Variants in BTBD9 observed in about 807,000 individuals in gnomAD.
BTBD9 encodes BTB domain containing 9, also known as BTB/POZ domain-containing protein 9.
BTBD9 carries 49 observed loss-of-function variants against 64.3 expected under a neutral mutation model. The ratio of observed to expected loss-of-function variants is 0.76; its 90% CI spans 0.61 to 0.97. The LOEUF (loss-of-function observed/expected upper bound fraction) is 0.97, where lower values mean the gene tolerates loss of function less well. Ranked by LOEUF, BTBD9 falls within the 50% of genes least tolerant of loss-of-function variation. The pLI, the probability that BTBD9 is intolerant of heterozygous loss-of-function variation, is 0.00. For missense variants in BTBD9, 598 were observed against 762.1 expected (o/e 0.78, Z 2.53); for synonymous variants, 260 against 274.7 (o/e 0.95, Z 0.53).
intron 8 of BTBD9, among the ~76,000 whole-genome samples, chr6:38,271,339 T>C (rs1765189287): frequency 6.6e-6 from 1 of 152,228 alleles, no homozygotes; most frequent in South Asian, 2.1e-4. Flanking sequence ...CATGGTATTA[T>C]ATATTGTCCC....
chr6:38,438,214 G>A (rs796147417), intron 6 of BTBD9, among the ~76,000 whole-genome samples: 1,942 of 52,660 alleles, frequency 0.037, 76 homozygotes, highest in African/African-American at 0.15. Context: ...GAAGGAGGGA[G>A]GGAGGGAGGG....
chr6:38,345,503 C>T (rs894084602), intron 6 of BTBD9, among the ~76,000 whole-genome samples: 1 of 152,186 alleles, frequency 6.6e-6, no homozygotes, highest in East Asian at 1.9e-4. Context: ...CTTTCCAGCT[C>T]AATGGAAGAT....
intron 6 of BTBD9, among the ~76,000 whole-genome samples, chr6:38,462,358 A>C (rs1280878466): frequency 6.6e-6 from 1 of 152,234 alleles, no homozygotes; most frequent in Non-Finnish European, 1.5e-5. Flanking sequence ...CAAGGAATGA[A>C]TTTTAAGTTC....
chr6:38,352,032 G>A (rs751572051), intron 6 of BTBD9, among the ~76,000 whole-genome samples: 7 of 151,928 alleles, frequency 4.6e-5, no homozygotes, highest in Non-Finnish European at 1.0e-4. Context: ...TATACCATAC[G>A]ATAGCCTTTA....
At chr6:38,178,127 G>A (rs1761366427) in intron 10 of BTBD9, among the ~76,000 whole-genome samples, 1 of 152,244 alleles carries the variant, frequency 6.6e-6, no homozygotes, top group Non-Finnish European at 1.5e-5. Flanking sequence ...TCTCCACCAA[G>A]CCACGCAGGT....
At chr6:38,631,112 A>C (rs1323176955) in intron 1 of BTBD9, among the ~76,000 whole-genome samples, 1 of 152,262 alleles carries the variant, frequency 6.6e-6, no homozygotes, top group Non-Finnish European at 1.5e-5. Context: ...TAAAAATGAA[A>C]ACATTCTGGC....
At chr6:38,638,019 T>C (rs1482050964) in intron 1 of BTBD9, among the ~76,000 whole-genome samples, 1 of 152,196 alleles carries the variant, frequency 6.6e-6, no homozygotes, top group Non-Finnish European at 1.5e-5. Context: ...CCGCTCCAGT[T>C]ACCAGACATA....
chr6:38,292,045 T>TCC (rs768312986), intron 7 of BTBD9, among the ~76,000 whole-genome samples: 97 of 151,826 alleles, frequency 6.4e-4, no homozygotes, highest in Non-Finnish European at 1.1e-3. Flanking sequence ...CACTGCAGCC[T>TCC]CCGCCTGCCC....
At chr6:38,600,103 CAGT>C (rs1190893854) in intron 1 of BTBD9, among the ~76,000 whole-genome samples, 1 of 152,198 alleles carries the variant, frequency 6.6e-6, no homozygotes, top group African/African-American at 2.4e-5. Flanking sequence ...ATGTGTGACA[CAGT>C]AGTCTTAATG....
intron 6 of BTBD9, among the ~76,000 whole-genome samples, chr6:38,404,443 T>C (rs1044127239): frequency 1.4e-4 from 22 of 152,146 alleles, no homozygotes; most frequent in Non-Finnish European, 3.2e-4. Flanking sequence ...TTGCATCTTA[T>C]CTGGCACAGT....
At chr6:38,486,874 T>C (rs1210775929) in intron 6 of BTBD9, among the ~76,000 whole-genome samples, 1 of 152,134 alleles carries the variant, frequency 6.6e-6, no homozygotes, top group Non-Finnish European at 1.5e-5. Context: ...ATCTGCAAAG[T>C]GTAACAAAAA....
intron 6 of BTBD9, among the ~76,000 whole-genome samples, chr6:38,399,915 C>T (rs997294932): frequency 6.7e-6 from 1 of 149,428 alleles, no homozygotes; most frequent in East Asian, 2.0e-4. Context: ...CCATGCCCAG[C>T]TAATTTTTTT....
intron 6 of BTBD9, among the ~76,000 whole-genome samples, chr6:38,547,177 T>C (rs988398974): frequency 1.1e-4 from 17 of 152,140 alleles, no homozygotes; most frequent in Non-Finnish European, 1.8e-4. Context: ...GTAGGCCAAT[T>C]AATAATGTGA....
intron 6 of BTBD9, among the ~76,000 whole-genome samples, chr6:38,413,659 A>G (rs567371727): frequency 1.3e-5 from 2 of 150,646 alleles, no homozygotes; most frequent in Non-Finnish European, 2.9e-5. Flanking sequence ...TCTCTGTTTT[A>G]CATGTCATTT....
intron 1 of BTBD9, among the ~76,000 whole-genome samples, chr6:38,601,161 C>G (rs1043558144): frequency 6.6e-6 from 1 of 152,102 alleles, no homozygotes; most frequent in African/African-American, 2.4e-5. Context: ...ACTAAGCAAC[C>G]TGGAAAAACA....
At chr6:38,497,532 A>G (rs1308519159) in intron 6 of BTBD9, among the ~76,000 whole-genome samples, 2 of 152,174 alleles carry the variant, frequency 1.3e-5, no homozygotes, top group Admixed American at 1.3e-4. Context: ...AGCAGTATGG[A>G]GTCCCTTTTT....
At chr6:38,428,651 T>A (rs373574315) in intron 6 of BTBD9, among the ~76,000 whole-genome samples, 1 of 151,750 alleles carries the variant, frequency 6.6e-6, no homozygotes, top group Non-Finnish European at 1.5e-5. Context: ...AACCAATGAA[T>A]GGTTCCCAAA....
chr6:38,364,868 A>G (rs1765124922), intron 6 of BTBD9, among the ~76,000 whole-genome samples: 1 of 152,148 alleles, frequency 6.6e-6, no homozygotes, highest in Admixed American at 6.6e-5. Context: ...AGAAAGAGAG[A>G]TCTTCTCTGT....
intron 10 of BTBD9, among the ~76,000 whole-genome samples, chr6:38,181,847 G>A (rs763510182): frequency 6.6e-6 from 1 of 152,150 alleles, no homozygotes; most frequent in South Asian, 2.1e-4. Flanking sequence ...AATTAGCCAG[G>A]TGTGGTGGCA....
Sources: allele counts gnomAD v4.1 joint callset (sites outside exome capture counted in the v4.1 genomes callset), GRCh38; gene constraint gnomAD v4.1.1; transcripts MANE v1.5; gene names NCBI Gene and HGNC (gene_info 2026-07-23, HGNC 2026-07-21).